Variants in FBXL4 observed in about 807,000 individuals in gnomAD.
FBXL4 encodes the protein F-box/LRR-repeat protein 4.
FBXL4 carries 40 observed loss-of-function variants against 58.9 expected under a neutral mutation model. The ratio of observed to expected loss-of-function variants is 0.68; its 90% CI spans 0.53 to 0.88. The LOEUF is 0.88. Among genes scored for constraint, FBXL4 ranks in the 40% least tolerant of loss-of-function variants. The pLI is 0.00. For synonymous variants in FBXL4, 263 were observed against 265.5 expected, an observed-to-expected ratio of 0.99 and a Z score of 0.09; for missense variants, 676 against 734.4, an observed-to-expected ratio of 0.92 and a Z score of 0.92.
chr6:98,913,710 G>C (rs1397513812), intron 5 of FBXL4, among the ~76,000 whole-genome samples: 1 of 152,156 alleles, frequency 6.6e-6, no homozygotes, highest in Non-Finnish European at 1.5e-5. Flanking sequence ...ACAAGAGAAA[G>C]CAGGAAAGAT....
In FBXL4 at chr6:98,871,075, C is replaced by T. The variant is rs1236421715; in HGVS notation, c.*3203G>A. 1.0e-5 allele frequency: 1 copy of T among 100,184 alleles called. No individual in the cohort carries two copies. Among genetic ancestry groups the T allele is most frequent in the Non-Finnish European group, 2.0e-5 (1 of 50,442 alleles). 6.2% of individuals were successfully genotyped at this position (100,184 alleles called of 1,614,324 possible). A position where few individuals can be genotyped will look rare whatever the true frequency, so the allele number is the denominator to read the frequency against. On this transcript the variant is annotated 3_prime_UTR_variant, in exon 10 of 10. Coordinates refer to ENST00000369244, the MANE Select transcript of FBXL4 (RefSeq NM_001278716.2). Reference sequence around the variant, plus strand: ...CCAGCCTGGGCAAAAGAATGAGACTCAGTCTCAAAAAAAAAAAAAAACAAA... The same window carrying T: ...CCAGCCTGGGCAAAAGAATGAGACTTAGTCTCAAAAAAAAAAAAAAACAAA...
At chr6:98,916,568 C>CA (rs1003439472) in intron 5 of FBXL4, among the ~76,000 whole-genome samples, 5 of 151,436 alleles carry the variant, frequency 3.3e-5, no homozygotes, top group Non-Finnish European at 7.4e-5. Context: ...ATCACAAGGA[C>CA]AAAAAAACCA....
chr6:98,908,789 C>T (rs1771915915), intron 5 of FBXL4, among the ~76,000 whole-genome samples: 1 of 151,974 alleles, frequency 6.6e-6, no homozygotes, highest in South Asian at 2.1e-4. Flanking sequence ...ACATTTCCCA[C>T]TATCCTCTTG....
chr6:98,915,406 C>T (rs1772300829), intron 5 of FBXL4, among the ~76,000 whole-genome samples: 1 of 152,114 alleles, frequency 6.6e-6, no homozygotes, highest in African/African-American at 2.4e-5. Flanking sequence ...ATCATGCTAC[C>T]TGACTTCAAA....
chr6:98,885,883 A>G (rs1420924696), intron 7 of FBXL4, among the ~76,000 whole-genome samples: 7 of 152,034 alleles, frequency 4.6e-5, no homozygotes, highest in African/African-American at 1.7e-4. Flanking sequence ...CTCCCTCCCA[A>G]CTTGATCCCT....
At chr6:98,917,859 C>A in intron 4 of FBXL4, 140 bp from the exon 5 acceptor site, 1 of 598,296 alleles carries the variant, frequency 1.7e-6, no homozygotes. Context: ...AGTATTGTTC[C>A]CAAGATATAA....
intron 7 of FBXL4, among the ~76,000 whole-genome samples, chr6:98,890,760 A>C (rs1326036872): frequency 6.6e-6 from 1 of 152,090 alleles, no homozygotes; most frequent in Admixed American, 6.5e-5. Flanking sequence ...CCCTACTAAA[A>C]GTATAAAAAT....
At chr6:98,894,373 A>G (rs1406062102) in intron 7 of FBXL4, among the ~76,000 whole-genome samples, 1 of 152,192 alleles carries the variant, frequency 6.6e-6, no homozygotes, top group Non-Finnish European at 1.5e-5. Context: ...AAGCACAACT[A>G]AAGTGTCCTC....
chr6:98,897,276 C>T, intron 7 of FBXL4: 1 of 985,146 alleles, frequency 1.0e-6, no homozygotes, highest in Non-Finnish European at 1.2e-6. Context: ...ATGAACAGTC[C>T]TACCCAAGAA....
chr6:98,894,982 G>A (rs763360683), intron 7 of FBXL4, among the ~76,000 whole-genome samples: 2 of 152,174 alleles, frequency 1.3e-5, no homozygotes, highest in Non-Finnish European at 2.9e-5. Flanking sequence ...CCCTGCCACA[G>A]TTCTATTCTC....
In FBXL4 at chr6:98,943,652, G is replaced by A. The variant is rs114682846; in HGVS notation, c.-309+4154C>T. 2.5e-3 allele frequency among the ~76,000 whole-genome samples: 367 copies of A among 146,680 alleles called. 1 individual carries two copies. The highest frequency in any genetic ancestry group is 9.1e-3 in the African/African-American group (360 of 39,660). The stretch of plus-strand genomic sequence containing the variant: ...GGGAAGATTTCAGGGAGAAATAAAA[G>A]TTCAGCTCAGTTACATGAATGTTTG... On this transcript the variant is annotated intron_variant, in intron 1 of 9. Coordinates refer to ENST00000369244, the MANE Select transcript of FBXL4 (RefSeq NM_001278716.2).
At chr6:98,900,634 C>T (rs116870304) in intron 6 of FBXL4, among the ~76,000 whole-genome samples, 43 of 152,202 alleles carry the variant, frequency 2.8e-4, no homozygotes, top group Non-Finnish European at 4.1e-4. Context: ...TGAAATACTA[C>T]GCAAATGCAG....
chr6:98,884,310 C>G (rs1285953213), intron 7 of FBXL4, among the ~76,000 whole-genome samples: 1 of 152,028 alleles, frequency 6.6e-6, no homozygotes, highest in East Asian at 1.9e-4. Flanking sequence ...AACAGTTAAC[C>G]TATAAGGTAA....
chr6:98,925,242 A>G (rs1481278541), intron 4 of FBXL4, among the ~76,000 whole-genome samples: 1 of 152,238 alleles, frequency 6.6e-6, no homozygotes, highest in African/African-American at 2.4e-5. Flanking sequence ...ATTGAAATTT[A>G]TAAACATACT....
At chr6:98,944,593 A>G (rs1405080339) in intron 1 of FBXL4, among the ~76,000 whole-genome samples, 4 of 152,210 alleles carry the variant, frequency 2.6e-5, no homozygotes, top group African/African-American at 9.6e-5. Context: ...ATATAAGTAG[A>G]GGCACTGACG....
chr6:98,904,687 C>A (rs532952781), intron 6 of FBXL4, among the ~76,000 whole-genome samples: 2 of 152,222 alleles, frequency 1.3e-5, no homozygotes, highest in Admixed American at 1.3e-4. Flanking sequence ...AAAGTTTCTA[C>A]TTCTTCATTA....
chr6:98,897,639 T>C (rs1771453849), intron 7 of FBXL4, among the ~76,000 whole-genome samples: 1 of 152,046 alleles, frequency 6.6e-6, no homozygotes, highest in East Asian at 1.9e-4. Context: ...AGCTCACAGG[T>C]ATGGAGGCTG....
At chr6:98,891,630 T>C (rs1771229843) in intron 7 of FBXL4, among the ~76,000 whole-genome samples, 1 of 148,176 alleles carries the variant, frequency 6.7e-6, no homozygotes, top group Non-Finnish European at 1.5e-5. Context: ...CTCATGCATA[T>C]AATCCAAGCA....
chr6:98,887,785 A>G (rs1771091813), intron 7 of FBXL4, among the ~76,000 whole-genome samples: 1 of 152,200 alleles, frequency 6.6e-6, no homozygotes, highest in African/African-American at 2.4e-5. Flanking sequence ...CTTGGAAGAG[A>G]TACTGTGAGG....
Sources: allele counts gnomAD v4.1 joint callset (sites outside exome capture counted in the v4.1 genomes callset), GRCh38; gene constraint gnomAD v4.1.1; transcripts MANE v1.5; gene names NCBI Gene and HGNC (gene_info 2026-07-23, HGNC 2026-07-21).